Variants in VSTM2L observed in about 807,000 individuals in gnomAD.
VSTM2L encodes the protein V-set and transmembrane domain containing 2 like, also known as V-set and transmembrane domain-containing protein 2-like protein.
VSTM2L carries 9 observed loss-of-function variants against 19.9 expected under a neutral mutation model. That is an observed-to-expected ratio of 0.45 (90% CI 0.27 to 0.79). VSTM2L has a LOEUF of 0.79. Among genes scored for constraint, VSTM2L ranks in the 30% least tolerant of loss-of-function variants. VSTM2L has a pLI of 0.15. For missense variants in VSTM2L, 286 were observed against 295.5 expected, an observed-to-expected ratio of 0.97 and a Z score of 0.24; for synonymous variants, 127 against 133.8, an observed-to-expected ratio of 0.95 and a Z score of 0.35.
intron 1 of VSTM2L, among the ~76,000 whole-genome samples, chr20:37,914,184 GTA>G (rs1415626347): frequency 6.6e-6 from 1 of 151,032 alleles, no homozygotes. Context: ...GCATATGTGT[GTA>G]TGTGTGGTGT....
At chr20:37,909,754 C>G (rs897122772) in intron 1 of VSTM2L, among the ~76,000 whole-genome samples, 1 of 151,536 alleles carries the variant, frequency 6.6e-6, no homozygotes, top group Non-Finnish European at 1.5e-5. Context: ...ATGGGGGAGT[C>G]CAAGGGTCGC....
At chr20:37,905,560 A>T (rs2072747468) in intron 1 of VSTM2L, among the ~76,000 whole-genome samples, 1 of 152,122 alleles carries the variant, frequency 6.6e-6, no homozygotes, top group Non-Finnish European at 1.5e-5. Flanking sequence ...AGGCACCCCT[A>T]GTTGCTGGGG....
At chr20:37,905,387 C>A (rs938864593) in intron 1 of VSTM2L, among the ~76,000 whole-genome samples, 1 of 152,138 alleles carries the variant, frequency 6.6e-6, no homozygotes, top group Non-Finnish European at 1.5e-5. Context: ...GTGGCTCCCC[C>A]CCATAGAAAA....
At chr20:37,921,837 C>CTTTTTTTTTTT (rs1568837638) in intron 1 of VSTM2L, among the ~76,000 whole-genome samples, 7 of 126,610 alleles carry the variant, frequency 5.5e-5, no homozygotes, top group African/African-American at 2.1e-4. Context: ...TCTTTCTTTT[C>CTTTTTTTTTTT]CTTTTTTTTT....
intron 3 of VSTM2L, among the ~76,000 whole-genome samples, chr20:37,939,130 C>T (rs964129549): frequency 1.3e-5 from 2 of 152,086 alleles, no homozygotes; most frequent in East Asian, 1.9e-4. Context: ...CTTGGCTGGG[C>T]GCGGTGGCTC....
intron 1 of VSTM2L, among the ~76,000 whole-genome samples, chr20:37,910,666 T>C (rs2072774424): frequency 6.6e-6 from 1 of 151,088 alleles, no homozygotes; most frequent in African/African-American, 2.4e-5. Context: ...GTAATCCCAA[T>C]GACTCAGGAG....
At position 37,944,986 on chromosome 20, in the gene VSTM2L, C is replaced by T. The variant is rs1394306946; in HGVS notation, c.*733C>T. 5.1e-6 allele frequency: 5 copies of T among 985,666 alleles called. No homozygotes were observed. Among genetic ancestry groups the T allele is most frequent in the South Asian group, 4.7e-5 (1 of 21,292 alleles). 61.1% of individuals were successfully genotyped at this position (985,666 alleles called of 1,614,324 possible). ...AGGCAGAGTTTTGCACCAGCAGGAC[C>T]CCTTTGAGGGCCTTCAAGGCTCTCC... is the stretch of plus-strand genomic sequence containing the variant. On this transcript the variant is annotated 3_prime_UTR_variant, in exon 4 of 4. Coordinates refer to ENST00000373461, the MANE Select transcript of VSTM2L (RefSeq NM_080607.3).
intron 1 of VSTM2L, among the ~76,000 whole-genome samples, chr20:37,907,061 G>T (rs1300589828): frequency 1.3e-5 from 2 of 152,178 alleles, no homozygotes; most frequent in Non-Finnish European, 2.9e-5. Context: ...CAAACCCGCT[G>T]CCAGAATGGT....
Position 37,944,525 on chromosome 20 carries a change from T to C in VSTM2L, c.*272T>C, listed in dbSNP as rs1301662615. 4 of 1,197,074 alleles carry C rather than the reference T, an allele frequency of 3.3e-6. No individual in the cohort carries two copies. The highest frequency in any genetic ancestry group is 4.1e-6 in the Non-Finnish European group (4 of 967,662). The allele number at this position is 1,197,074 out of a possible 1,614,324, so 74.2% of individuals were successfully genotyped here. ...GCCCTGAACACTGGGGCAGGGACCA[T>C]GCTGGGGCCCGGGGCCACCCCCTTC... On this transcript the variant is annotated 3_prime_UTR_variant, in exon 4 of 4. Coordinates refer to ENST00000373461, the MANE Select transcript of VSTM2L (RefSeq NM_080607.3).
At chr20:37,935,928 A>G (rs1034492147) in intron 3 of VSTM2L, among the ~76,000 whole-genome samples, 1 of 146,268 alleles carries the variant, frequency 6.8e-6, no homozygotes, top group African/African-American at 2.6e-5. Flanking sequence ...GTTGTCACCC[A>G]GGCTGGAGTG....
At chr20:37,920,312 C>T (rs577940539) in intron 1 of VSTM2L, among the ~76,000 whole-genome samples, 56 of 152,356 alleles carry the variant, frequency 3.7e-4, no homozygotes, top group African/African-American at 1.3e-3. Context: ...TCACTGTGAG[C>T]ATCATATGGG....
chr20:37,909,797 C>T (rs2072769859), intron 1 of VSTM2L, among the ~76,000 whole-genome samples: 1 of 152,162 alleles, frequency 6.6e-6, no homozygotes. Flanking sequence ...GAGGCACTTG[C>T]ATCAGAAAAA....
intron 1 of VSTM2L, among the ~76,000 whole-genome samples, chr20:37,909,704 T>C (rs557299776): frequency 6.6e-6 from 1 of 152,304 alleles, no homozygotes; most frequent in South Asian, 2.1e-4. Context: ...GGGCCCAGGC[T>C]CTGGCCTTGG....
In VSTM2L at chr20:37,934,551, G is replaced by A. The variant is rs113470825; in HGVS notation, c.342+962G>A. The stretch of plus-strand genomic sequence containing the variant: ...CATGCTTGTGTGTTTGTGTGTCCTC[G>A]CATGCGCATGGCGGGGAAACCTTTC... On this transcript the variant is annotated intron_variant, in intron 3 of 3. Transcript: ENST00000373461. 2.0e-5 allele frequency among the ~76,000 whole-genome samples: 3 copies of A among 152,168 alleles called. 1 individual carries two copies. Among genetic ancestry groups the A allele is most frequent in the Admixed American group, 1.3e-4 (2 of 15,286 alleles).
intron 1 of VSTM2L, among the ~76,000 whole-genome samples, chr20:37,915,665 T>G (rs763783929): frequency 5.3e-5 from 8 of 151,954 alleles, no homozygotes; most frequent in Admixed American, 6.5e-5. Flanking sequence ...TCAGCCTGAC[T>G]CCGGAGCCCA....
chr20:37,932,078 C>T (rs186565807), intron 2 of VSTM2L, among the ~76,000 whole-genome samples: 5 of 152,312 alleles, frequency 3.3e-5, no homozygotes, highest in East Asian at 1.9e-4. Context: ...GGCCTCCCTT[C>T]GGGGTACAGG....
At chr20:37,920,413 T>C (rs1600565737) in intron 1 of VSTM2L, among the ~76,000 whole-genome samples, 1 of 152,094 alleles carries the variant, frequency 6.6e-6, no homozygotes, top group Non-Finnish European at 1.5e-5. Flanking sequence ...CCAACAAGGG[T>C]TGGGGAGCTA....
chr20:37,921,589 A>C (rs1161308118), intron 1 of VSTM2L, among the ~76,000 whole-genome samples: 1 of 152,158 alleles, frequency 6.6e-6, no homozygotes, highest in Non-Finnish European at 1.5e-5. Context: ...TCCATCTTCA[A>C]TTCTAGTTGG....
chr20:37,906,295 C>T (rs930753780), intron 1 of VSTM2L, among the ~76,000 whole-genome samples: 13 of 152,178 alleles, frequency 8.5e-5, no homozygotes, highest in African/African-American at 3.1e-4. Flanking sequence ...AGGGCTTTTT[C>T]GAGGTGTGAG....
Sources: allele counts gnomAD v4.1 joint callset (sites outside exome capture counted in the v4.1 genomes callset), GRCh38; gene constraint gnomAD v4.1.1; transcripts MANE v1.5; gene names NCBI Gene and HGNC (gene_info 2026-07-23, HGNC 2026-07-21).